Variants in DLG1 observed in about 807,000 individuals in gnomAD.
The protein encoded by DLG1 is disks large homolog 1.
DLG1 carries 42 observed loss-of-function variants against 123.4 expected under a neutral mutation model. That is an observed-to-expected ratio of 0.34 (90% confidence interval 0.27 to 0.44). The LOEUF (loss-of-function observed/expected upper bound fraction) is 0.44, where lower values mean the gene tolerates loss of function less well. Ranked by LOEUF, DLG1 falls within the 20% of genes least tolerant of loss-of-function variation. The pLI is 1.00. For synonymous variants in DLG1, 317 were observed against 356.2 expected, an observed-to-expected ratio of 0.89 and a Z score of 1.24; for missense variants, 942 against 1,082.6, an observed-to-expected ratio of 0.87 and a Z score of 1.82.
chr3:197,276,227 C>G (rs1260420902), intron 4 of DLG1, among the ~76,000 whole-genome samples: 1 of 152,220 alleles, frequency 6.6e-6, no homozygotes, highest in African/African-American at 2.4e-5. Flanking sequence ...TTTATCCGAT[C>G]TCTTACCGAT....
rs539450008 is a variant in DLG1 at position 197,060,992 on chromosome 3, T to C, written c.2374-994A>G. ...CTGATTTTTGTGTTTTTTGTACAGATGGGGTTTCACCATGTTGGTGAGGCT... is the reference window on the plus strand; with the variant it reads ...CTGATTTTTGTGTTTTTTGTACAGACGGGGTTTCACCATGTTGGTGAGGCT... On this transcript the variant is annotated intron_variant, in intron 22 of 24. Coordinates refer to ENST00000667157, the MANE Select transcript of DLG1 (RefSeq NM_001366207.1). Among the ~76,000 whole-genome samples, 183 of 152,228 alleles carry C rather than the reference T, an allele frequency of 1.2e-3. 1 individual carries two copies. Among genetic ancestry groups the C allele is most frequent in the African/African-American group, 4.0e-3 (168 of 41,550 alleles).
intron 5 of DLG1, among the ~76,000 whole-genome samples, chr3:197,161,221 G>C (rs940774960): frequency 2.6e-5 from 4 of 152,128 alleles, no homozygotes; most frequent in South Asian, 2.1e-4. Context: ...ACATAAGAAT[G>C]AATATTTCCA....
chr3:197,057,983 CT>C (rs906481339), intron 23 of DLG1, among the ~76,000 whole-genome samples: 13 of 148,626 alleles, frequency 8.7e-5, no homozygotes, highest in South Asian at 2.1e-4. Context: ...ATATTGTTTT[CT>C]TTTTTTTTTC....
chr3:197,242,831 TGATG>T (rs756070612), intron 4 of DLG1, among the ~76,000 whole-genome samples: 4 of 152,086 alleles, frequency 2.6e-5, no homozygotes, highest in South Asian at 4.1e-4. Flanking sequence ...AGGCTGGGCA[TGATG>T]ATTCATGCCT....
At chr3:197,229,771 T>C (rs1741914895) in intron 4 of DLG1, among the ~76,000 whole-genome samples, 1 of 152,238 alleles carries the variant, frequency 6.6e-6, no homozygotes, top group Non-Finnish European at 1.5e-5. Context: ...TTGAAAATCA[T>C]ACCTTAACAA....
At chr3:197,179,047 A>G in intron 5 of DLG1, among the ~76,000 whole-genome samples, 1 of 152,134 alleles carries the variant, frequency 6.6e-6, no homozygotes, top group Non-Finnish European at 1.5e-5. Flanking sequence ...TTAGGCACAC[A>G]GTTCATTTAT....
intron 5 of DLG1, among the ~76,000 whole-genome samples, chr3:197,158,643 A>AAAAAAAG: frequency 8.1e-6 from 1 of 122,710 alleles, no homozygotes; most frequent in African/African-American, 3.0e-5. Flanking sequence ...TCAAAAAAAA[A>AAAAAAAG]AAAAAAAAAA....
chr3:197,196,257 A>G (rs887361552), intron 4 of DLG1, among the ~76,000 whole-genome samples: 1 of 151,996 alleles, frequency 6.6e-6, no homozygotes, highest in African/African-American at 2.4e-5. Flanking sequence ...AGCACTTTTT[A>G]AACAACATCC....
At chr3:197,165,509 A>G (rs925820393) in intron 5 of DLG1, among the ~76,000 whole-genome samples, 25 of 152,092 alleles carry the variant, frequency 1.6e-4, no homozygotes, top group African/African-American at 5.8e-4. Flanking sequence ...CTAAAATGGT[A>G]AACTTGATGT....
At chr3:197,074,744 A>G (rs1746143742) in intron 18 of DLG1, among the ~76,000 whole-genome samples, 2 of 152,100 alleles carry the variant, frequency 1.3e-5, no homozygotes, top group African/African-American at 4.8e-5. Flanking sequence ...AAAGAGTTGT[A>G]AATAAACATA....
intron 17 of DLG1, 46 bp from the exon 18 acceptor site, chr3:197,076,731 G>A (rs754209184): frequency 3.4e-6 from 5 of 1,475,266 alleles, no homozygotes; most frequent in Admixed American, 1.7e-5. Context: ...TCTACTGTCT[G>A]TGTGTACAAA....
At chr3:197,135,421 G>A (rs573696408) in intron 10 of DLG1, among the ~76,000 whole-genome samples, 4 of 152,252 alleles carry the variant, frequency 2.6e-5, no homozygotes, top group South Asian at 2.1e-4. Flanking sequence ...CTGCTGGCAC[G>A]TCTCTCTCCT....
intron 5 of DLG1, among the ~76,000 whole-genome samples, chr3:197,152,528 G>A (rs1286035843): frequency 1.4e-5 from 2 of 144,568 alleles, no homozygotes; most frequent in African/African-American, 5.2e-5. Flanking sequence ...TGTAATCCCA[G>A]CACTCTGGGA....
Position 197,044,175 on chromosome 3 carries a change from G to C in DLG1, c.*448C>G, listed in dbSNP as rs1285403908. The C allele has an allele frequency of 6.6e-6, 1 of 152,524 alleles. No homozygotes were observed. Among genetic ancestry groups the C allele is most frequent in the Admixed American group, 6.5e-5 (1 of 15,282 alleles). The allele number at this position is 152,524 out of a possible 1,614,324, so 9.4% of individuals were successfully genotyped here. A position where few individuals can be genotyped will look rare whatever the true frequency, so the allele number is the denominator to read the frequency against. ...GAAGTTGATTGAGAAAAGGACTTGAGAGTAATACACTGGCCAAACCATGCT... is the reference window on the plus strand; with the variant it reads ...GAAGTTGATTGAGAAAAGGACTTGACAGTAATACACTGGCCAAACCATGCT... On this transcript the variant is annotated 3_prime_UTR_variant, in exon 25 of 25. Transcript: ENST00000667157.
intron 4 of DLG1, among the ~76,000 whole-genome samples, chr3:197,219,072 G>A (rs1383408534): frequency 2.6e-5 from 4 of 151,922 alleles, no homozygotes; most frequent in Admixed American, 6.6e-5. Context: ...CAGAGGTTGC[G>A]GTGGGCCGAG....
intron 11 of DLG1, among the ~76,000 whole-genome samples, chr3:197,125,203 G>A (rs1292187156): frequency 6.6e-6 from 1 of 152,136 alleles, no homozygotes; most frequent in Non-Finnish European, 1.5e-5. Context: ...GGCAAGTGAA[G>A]GTTTGAGGGG....
At chr3:197,108,602 T>TAA (rs1767959932) in intron 13 of DLG1, among the ~76,000 whole-genome samples, 1 of 131,836 alleles carries the variant, frequency 7.6e-6, no homozygotes, top group African/African-American at 2.8e-5. Flanking sequence ...CATAATGATA[T>TAA]ACTATAAATG....
chr3:197,284,331 C>T (rs1316361326), intron 3 of DLG1, among the ~76,000 whole-genome samples: 1 of 152,150 alleles, frequency 6.6e-6, no homozygotes, highest in East Asian at 1.9e-4. Flanking sequence ...CGCAAACACA[C>T]ACACATCACA....
rs141596723 is a variant in DLG1, at chr3:197,248,951, T to C, written c.318+33728A>G. On this transcript the variant is annotated intron_variant, in intron 4 of 24. Transcript: ENST00000667157. ...GAGGTATGATCACTCCACTGCACTC[T>C]GGCCTAGGCTACAGAGCAAGACTAT... Among the ~76,000 whole-genome samples, 441 of 152,226 alleles carry C rather than the reference T, an allele frequency of 2.9e-3. 2 individuals carry two copies. Among genetic ancestry groups the C allele is most frequent in the Non-Finnish European group, 5.1e-3 (344 of 67,994 alleles).
Sources: gnomAD v4.1 joint callset for allele counts (sites outside exome capture counted in the v4.1 genomes callset) on GRCh38, gnomAD v4.1.1 for gene constraint, MANE v1.5 for transcripts, NCBI Gene and HGNC (gene_info 2026-07-23, HGNC 2026-07-21) for gene names.